The following NTRK1 variants were observed in gnomAD, a reference collection of about 807,000 sequenced individuals.
The protein encoded by NTRK1 is high affinity nerve growth factor receptor.
In NTRK1, 62 loss-of-function variants were observed where a neutral mutation model predicts 86.8. That is an observed-to-expected ratio of 0.71 (90% CI 0.58 to 0.88). The LOEUF (loss-of-function observed/expected upper bound fraction) is 0.88, where lower values mean the gene tolerates loss of function less well. Ranked by LOEUF, NTRK1 falls within the 40% of genes least tolerant of loss-of-function variation. NTRK1 has a pLI of 0.00. For missense variants in NTRK1, 967 were observed against 1,078.4 expected, an observed-to-expected ratio of 0.90 and a Z score of 1.45; for synonymous variants, 469 against 456.6, an observed-to-expected ratio of 1.03 and a Z score of -0.35.
chr1:156,840,965 C>T (rs753459667), intron 1 of NTRK1: 25 of 1,613,230 alleles, frequency 1.5e-5, no homozygotes, highest in South Asian at 3.3e-5. Flanking sequence ...GAGCCCCGGG[C>T]CCCCCGGCAT....
chr1:156,860,863 G>T, upstream of NTRK1: 1 of 1,384,354 alleles, frequency 7.2e-7, no homozygotes, highest in East Asian at 2.9e-5. Context: ...GCACATGTCG[G>T]GGGAGGCCTG....
intron 1 of NTRK1, chr1:156,816,273 A>G: frequency 1.7e-6 from 1 of 578,436 alleles, no homozygotes; most frequent in East Asian, 1.4e-4. Flanking sequence ...CCAAGGCGGC[A>G]TGGGGGGCTA....
upstream of NTRK1, among the ~76,000 whole-genome samples, chr1:156,860,332 C>T (rs1041663838): frequency 1.3e-5 from 2 of 152,258 alleles, no homozygotes; most frequent in Non-Finnish European, 2.9e-5. Flanking sequence ...TAGGCGACCC[C>T]TTCCCTTTCT....
intron 1 of NTRK1, among the ~76,000 whole-genome samples, chr1:156,827,085 ATTTC>A (rs1654336897): frequency 6.6e-6 from 1 of 151,700 alleles, no homozygotes; most frequent in African/African-American, 2.4e-5. Flanking sequence ...CTTTTTCTTT[ATTTC>A]TTTATTTTTT....
intron 2 of NTRK1, chr1:156,846,402 T>C: frequency 1.1e-6 from 1 of 879,356 alleles, no homozygotes; most frequent in Non-Finnish European, 1.8e-6. Context: ...CATCTGGCCT[T>C]CCAGCCTCTG....
chr1:156,880,165 C>G lies in NTRK1; in HGVS notation c.2205+8C>G, dbSNP rs916696879. On this transcript the variant is annotated splice_region_variant and intron_variant, in intron 16 of 16. Transcript: ENST00000524377. ...CAGCTCTCCAACACGGAGGTCAGCC[C>G]CGGCCCATGGTCACCCCTTGCTGGC... 1.2e-6 allele frequency: 2 copies of G among 1,612,836 alleles called. No homozygotes were observed. The highest frequency in any genetic ancestry group is 1.7e-6 in the Non-Finnish European group (2 of 1,179,966).
upstream of NTRK1, chr1:156,860,794 C>T: frequency 6.0e-6 from 8 of 1,324,086 alleles, no homozygotes; most frequent in South Asian, 2.0e-5. Flanking sequence ...AAGGCGGGGC[C>T]GGGCGGGGGC....
rs6333 is a variant in NTRK1, at chr1:156,874,870, G to A, written c.1252-36G>A. On this transcript the variant is annotated intron_variant, in intron 10 of 16. Transcript: ENST00000524377. ...ACAGGAGGCTCTGAGAGTACAGGAGGAGCCCCTGGATCTAACTACCCCTGT... is the reference window on the plus strand; with the variant it reads ...ACAGGAGGCTCTGAGAGTACAGGAGAAGCCCCTGGATCTAACTACCCCTGT... The A allele has an allele frequency of 3.5e-3, 5,184 of 1,467,654 alleles. 15 individuals are homozygous for A. Among genetic ancestry groups the A allele is most frequent in the Non-Finnish European group, 4.4e-3 (4,654 of 1,047,154 alleles). The allele number at this position is 1,467,654 out of a possible 1,614,324, so 90.9% of individuals were successfully genotyped here.
intron 4 of NTRK1, 40 bp from the exon 5 acceptor site, chr1:156,868,064 C>T (rs758710919): frequency 6.2e-7 from 1 of 1,612,586 alleles, no homozygotes. Flanking sequence ...ATCCCTCAGG[C>T]CCTTTCCTTG....
rs568541255 is a variant in NTRK1 at position 156,869,282 on chromosome 1, G to T, written c.717+635G>T. Among the ~76,000 whole-genome samples, 4 of 152,014 alleles carry T rather than the reference G, an allele frequency of 2.6e-5. No homozygotes were observed. The East Asian group carries it at 5.8e-4, about 22-fold the overall frequency. ...TTTAGTAGAGACAGGGTTTCACTAC[G>T]TTGGCCACGCTGGTCTCAAACTCCT... On this transcript the variant is annotated intron_variant, in intron 6 of 16. Transcript: ENST00000524377.
chr1:156,843,241 G>A (rs768201979), intron 2 of NTRK1: 3 of 1,612,968 alleles, frequency 1.9e-6, no homozygotes, highest in African/African-American at 2.7e-5. Flanking sequence ...ACACTGCAAG[G>A]AGGTGGAGGG....
At chr1:156,870,042 G>C (rs1647461141) in intron 6 of NTRK1, among the ~76,000 whole-genome samples, 1 of 152,230 alleles carries the variant, frequency 6.6e-6, no homozygotes, top group Non-Finnish European at 1.5e-5. Context: ...TTCAGACATG[G>C]TGGAGGGACA....
In NTRK1 at chr1:156,874,123, C is replaced by T. The variant is rs1382090107; in HGVS notation, c.1177+164C>T. 5 of 882,492 alleles carry T rather than the reference C, an allele frequency of 5.7e-6. No individual in the cohort carries two copies. The African/African-American group carries it at 6.6e-5, about 12-fold the overall frequency. The allele number at this position is 882,492 out of a possible 1,614,324, so 54.7% of individuals were successfully genotyped here. ...TGTTCTGGCCTCCTTACCCTCTCCC[C>T]AAGCCAGGACTCCTGAACTCCTGAG... On this transcript the variant is annotated intron_variant, in intron 8 of 16. Coordinates refer to ENST00000524377, the MANE Select transcript of NTRK1 (RefSeq NM_002529.4).
chr1:156,854,047 T>A lies in NTRK1; in HGVS notation c.51-10307T>A. The stretch of plus-strand genomic sequence containing the variant: ...GATGTGGCATCTCAAAGATGACCAG[T>A]GCATAGCCCAGGAAGAGGCGCGTCC... On this transcript the variant is annotated intron_variant, in intron 2 of 16. Transcript: ENST00000392302. This position sits in a 1 kb window ranked among gnomAD's most constrained non-coding sequence, Gnocchi z 4.2. 1 of 1,614,004 alleles carries A rather than the reference T, an allele frequency of 6.2e-7. No individual in the cohort carries two copies. The highest frequency in any genetic ancestry group is 8.5e-7 in the Non-Finnish European group (1 of 1,180,030).
intron 1 of NTRK1, among the ~76,000 whole-genome samples, chr1:156,821,049 G>C (rs758003546): frequency 4.6e-5 from 7 of 152,068 alleles, no homozygotes; most frequent in Non-Finnish European, 8.8e-5. Flanking sequence ...AACCTTCTTG[G>C]TTAAATATAT....
intron 2 of NTRK1, chr1:156,851,506 G>A: frequency 6.2e-7 from 1 of 1,604,090 alleles, no homozygotes; most frequent in South Asian, 1.1e-5. Context: ...GGGGCTGAAT[G>A]GGGGCCCCGG....
Position 156,874,955 on chromosome 1 carries a change from C to G in NTRK1, c.1301C>G (p.Thr434Arg), listed in dbSNP as rs771342578. Residue 434 changes from threonine to arginine, a missense_variant, in exon 11 of 17, where the codon ACG (threonine) becomes AGG (arginine). Transcript: ENST00000524377. Reference protein sequence around the residue: ...LAVFACLFLSTLLLVLNKCGR... With the variant: ...LAVFACLFLSRLLLVLNKCGR... The stretch of plus-strand genomic sequence containing the variant: ...GTCTTTGCCTGCCTCTTCCTTTCTA[C>G]GCTGCTCCTTGTGCTCAACAAATGT... The G allele has an allele frequency of 6.2e-7, 1 of 1,614,026 alleles. No homozygotes were observed. The highest frequency in any genetic ancestry group is 8.5e-7 in the Non-Finnish European group (1 of 1,179,990).
chr1:156,852,575 G>T (rs564937598), intron 2 of NTRK1, among the ~76,000 whole-genome samples: 2 of 152,346 alleles, frequency 1.3e-5, no homozygotes, highest in East Asian at 1.9e-4. Context: ...TAGGCCCAGG[G>T]GCCTGGGAGT....
upstream of NTRK1, chr1:156,858,878 GCAGA>G: frequency 1.9e-6 from 1 of 525,794 alleles, no homozygotes; most frequent in South Asian, 2.4e-5. Flanking sequence ...GGACAGAGAT[GCAGA>G]CAGTGACAGG....
Sources: gnomAD v4.1 joint callset for allele counts (sites outside exome capture counted in the v4.1 genomes callset) on GRCh38, gnomAD v4.1.1 for gene constraint, Gnocchi (gnomAD v3.1) non-coding constraint, MANE v1.5 for transcripts, NCBI Gene and HGNC (gene_info 2026-07-23, HGNC 2026-07-21) for gene names.